SAMMSON: variants seen among roughly 807,000 people sequenced by gnomAD.
SAMMSON encodes survival associated mitochondrial melanoma specific oncogenic non-coding RNA.
intron 2 of SAMMSON, among the ~76,000 whole-genome samples, chr3:70,434,241 T>A (rs1349921949): frequency 6.6e-6 from 1 of 152,208 alleles, no homozygotes; most frequent in East Asian, 1.9e-4. Context: ...TTGGCAATAT[T>A]GAGACTTCTT....
intron 4 of SAMMSON, among the ~76,000 whole-genome samples, chr3:70,188,416 C>T (rs985565701): frequency 3.3e-5 from 5 of 152,108 alleles, no homozygotes; most frequent in African/African-American, 9.7e-5. Context: ...TTAAAATTAC[C>T]TACTACAGGA....
intron 6 of SAMMSON, among the ~76,000 whole-genome samples, chr3:70,274,334 A>G (rs1441968922): frequency 2.6e-5 from 4 of 152,150 alleles, no homozygotes; most frequent in Non-Finnish European, 4.4e-5. Context: ...AAGGTTGAGA[A>G]TCATCATATT....
At chr3:70,029,296 T>C (rs1307930371) in intron 3 of SAMMSON, among the ~76,000 whole-genome samples, 3 of 152,296 alleles carry the variant, frequency 2.0e-5, no homozygotes, top group African/African-American at 7.2e-5. Context: ...TTAAAGTCTT[T>C]TAAACATACC....
At chr3:70,140,402 A>C (rs775923260) in intron 4 of SAMMSON, 1 of 198,600 alleles carries the variant, frequency 5.0e-6, no homozygotes, top group Non-Finnish European at 1.1e-5. Context: ...CCAGTCACAA[A>C]GAAGAGAATG....
chr3:70,198,817 GC>G (rs1232536186), intron 4 of SAMMSON, among the ~76,000 whole-genome samples: 3 of 152,148 alleles, frequency 2.0e-5, no homozygotes, highest in Non-Finnish European at 4.4e-5. Flanking sequence ...CTTAGAGCCA[GC>G]TTTTAGCGTG....
intron 4 of SAMMSON, among the ~76,000 whole-genome samples, chr3:70,076,196 G>A (rs1239066460): frequency 2.0e-5 from 3 of 152,102 alleles, no homozygotes; most frequent in Non-Finnish European, 4.4e-5. Context: ...ACCTGTTTAT[G>A]TGAATAGAAA....
chr3:70,364,987 T>G (rs554925314), intron 9 of SAMMSON, among the ~76,000 whole-genome samples: 7 of 151,842 alleles, frequency 4.6e-5, no homozygotes, highest in Non-Finnish European at 1.0e-4. Flanking sequence ...TCACATTATT[T>G]TTTTTTCTGG....
intron 4 of SAMMSON, among the ~76,000 whole-genome samples, chr3:70,083,989 A>C (rs150233968): frequency 1.8e-4 from 27 of 152,288 alleles, no homozygotes; most frequent in Non-Finnish European, 3.4e-4. Context: ...TCCTAGCATT[A>C]GCTGTTTTCA....
At chr3:70,315,730 A>G (rs977834264) in intron 7 of SAMMSON, among the ~76,000 whole-genome samples, 1 of 152,102 alleles carries the variant, frequency 6.6e-6, no homozygotes, top group Non-Finnish European at 1.5e-5. Flanking sequence ...AAGTGAACCC[A>G]CAGTTGATGG....
At chr3:70,398,633 A>G (rs1187356054) in intron 2 of SAMMSON, among the ~76,000 whole-genome samples, 2 of 152,178 alleles carry the variant, frequency 1.3e-5, no homozygotes, top group African/African-American at 2.4e-5. Flanking sequence ...CTTTTATATG[A>G]CCTGAAGTTG....
chr3:70,169,273 T>A (rs1249767760), intron 4 of SAMMSON, among the ~76,000 whole-genome samples: 3 of 152,002 alleles, frequency 2.0e-5, no homozygotes. Context: ...AAAATAAACA[T>A]AAGTATCAAA....
chr3:70,405,527 T>C (rs571875448), intron 2 of SAMMSON, among the ~76,000 whole-genome samples: 2 of 152,126 alleles, frequency 1.3e-5, no homozygotes, highest in Non-Finnish European at 2.9e-5. Flanking sequence ...AAATGGAACT[T>C]CTAGAGATGA....
chr3:70,329,625 C>T (rs1223655406), intron 7 of SAMMSON, among the ~76,000 whole-genome samples: 1 of 151,950 alleles, frequency 6.6e-6, no homozygotes, highest in Non-Finnish European at 1.5e-5. Context: ...CCTGGAGAAA[C>T]TAGAAAACAC....
intron 4 of SAMMSON, among the ~76,000 whole-genome samples, chr3:70,202,617 G>A (rs1701250931): frequency 6.6e-6 from 1 of 152,108 alleles, no homozygotes; most frequent in South Asian, 2.1e-4. Flanking sequence ...AATTAAAGAA[G>A]GTTTAAGATG....
intron 4 of SAMMSON, among the ~76,000 whole-genome samples, chr3:70,233,954 G>T (rs763221845): frequency 5.9e-5 from 9 of 152,222 alleles, no homozygotes; most frequent in South Asian, 2.1e-4. Context: ...GAAAATTCCC[G>T]TGCAAGTTTT....
chr3:70,341,610 A>T (rs954927109), intron 7 of SAMMSON, among the ~76,000 whole-genome samples: 1 of 152,168 alleles, frequency 6.6e-6, no homozygotes, highest in Non-Finnish European at 1.5e-5. Flanking sequence ...ATATAAGAAG[A>T]CAAAACCTCA....
At chr3:70,181,777 T>C (rs1391499451) in intron 4 of SAMMSON, among the ~76,000 whole-genome samples, 1 of 152,240 alleles carries the variant, frequency 6.6e-6, no homozygotes, top group East Asian at 1.9e-4. Context: ...TTTTCACACT[T>C]TCATGCGAAA....
At chr3:70,163,348 T>A (rs2067623775) in intron 4 of SAMMSON, among the ~76,000 whole-genome samples, 1 of 147,496 alleles carries the variant, frequency 6.8e-6, no homozygotes, top group Non-Finnish European at 1.5e-5. Context: ...ATAGAATATA[T>A]ATATATAGAG....
intron 4 of SAMMSON, among the ~76,000 whole-genome samples, chr3:70,190,755 G>T (rs1399367450): frequency 6.6e-6 from 1 of 152,066 alleles, no homozygotes; most frequent in Non-Finnish European, 1.5e-5. Context: ...CACTTCATGG[G>T]GTGTATACAT....
Sources: allele counts gnomAD v4.1 joint callset (sites outside exome capture counted in the v4.1 genomes callset), GRCh38; gene constraint gnomAD v4.1.1; transcripts MANE v1.5; gene names NCBI Gene and HGNC (gene_info 2026-07-23, HGNC 2026-07-21).